Variants in BATF3 observed in about 807,000 individuals in gnomAD.
The protein encoded by BATF3 is basic leucine zipper transcriptional factor ATF-like 3.
A neutral mutation model predicts 16.1 loss-of-function variants in BATF3; 8 were observed. The observed-to-expected ratio is 0.50, with a 90% CI of 0.29 to 0.90. The LOEUF (loss-of-function observed/expected upper bound fraction) is 0.90. Among genes scored for constraint, BATF3 ranks in the 40% least tolerant of loss-of-function variants. BATF3 has a pLI of 0.08. For synonymous variants in BATF3, 74 were observed against 72.7 expected (o/e 1.02, Z -0.09); for missense variants, 139 against 167.0 (o/e 0.83, Z 0.92).
At chr1:212,693,267 G>T (rs1657043144) in intron 2 of BATF3, among the ~76,000 whole-genome samples, 1 of 152,208 alleles carries the variant, frequency 6.6e-6, no homozygotes, top group South Asian at 2.1e-4. Flanking sequence ...CAGAGATGAT[G>T]TTCCTTTGGT....
Position 212,689,073 on chromosome 1 carries a change from G to A in BATF3, c.196-2094C>T, listed in dbSNP as rs1462436758. Among the ~76,000 whole-genome samples, 1 of 152,084 alleles carries A rather than the reference G, an allele frequency of 6.6e-6. No individual in the cohort carries two copies. Among genetic ancestry groups the A allele is most frequent in the Non-Finnish European group, 1.5e-5 (1 of 68,024 alleles). ...GGCTTCCCTGACCACAGCACCTACAGGAACCACATCTTTTATTATGTGTTC... is the reference window on the plus strand; with the variant it reads ...GGCTTCCCTGACCACAGCACCTACAAGAACCACATCTTTTATTATGTGTTC... On this transcript the variant is annotated intron_variant, in intron 2 of 2. Coordinates refer to ENST00000243440, the MANE Select transcript of BATF3 (RefSeq NM_018664.3). The surrounding 1 kb of genome is among the most constrained non-coding windows in gnomAD (Gnocchi z 4.6).
chr1:212,693,911 C>T (rs1398107410), intron 2 of BATF3, among the ~76,000 whole-genome samples: 4 of 152,164 alleles, frequency 2.6e-5, no homozygotes. Flanking sequence ...TCTCTTGAAC[C>T]TGCGACTATG....
chr1:212,688,520 A>G (rs889840804), intron 2 of BATF3, among the ~76,000 whole-genome samples: 3 of 152,252 alleles, frequency 2.0e-5, no homozygotes, highest in Non-Finnish European at 4.4e-5. Context: ...TTTTACATCC[A>G]TCTCCACTGA....
In BATF3 at chr1:212,697,016, A is replaced by G. The variant is rs758136934; in HGVS notation, c.140T>C (p.Val47Ala). ...RKVRRREKNR[V>A]AAQRSRKKQT... Reference sequence around the variant, plus strand: ...CTTCTTCCGACTTCTCTGAGCAGCAACTCGGTTTTTTTCTCTCCTTCGGAC... The same window carrying G: ...CTTCTTCCGACTTCTCTGAGCAGCAGCTCGGTTTTTTTCTCTCCTTCGGAC... Residue 47 changes from valine (V) to alanine (A), a missense_variant, in exon 2 of 3, where the codon GTT (valine) becomes GCT (alanine). Coordinates refer to ENST00000243440, the MANE Select transcript of BATF3 (RefSeq NM_018664.3). The G allele has an allele frequency of 2.4e-5, 38 of 1,613,720 alleles. No homozygotes were observed. The highest frequency in any genetic ancestry group is 3.1e-5 in the Non-Finnish European group (37 of 1,179,976).
Position 212,697,021 on chromosome 1 carries a change from G to C in BATF3, c.135C>G (p.Asn45Lys). Residue 45 changes from asparagine to lysine, a missense_variant, in exon 2 of 3, where the codon AAC becomes AAG. By Grantham distance (94) the Asn-to-Lys change is moderately conservative (BLOSUM62 0). Transcript: ENST00000243440. The part of the protein sequence containing the change: ...DDRKVRRREK[N>K]RVAAQRSRKK... ...TCCGACTTCTCTGAGCAGCAACTCG[G>C]TTTTTTTCTCTCCTTCGGACCTTCC... The C allele has an allele frequency of 6.2e-7, 1 of 1,614,134 alleles. No homozygotes were observed. The highest frequency in any genetic ancestry group is 8.5e-7 in the Non-Finnish European group (1 of 1,180,026).
chr1:212,699,629 G>A lies in BATF3; in HGVS notation c.90+44C>T. 2 of 1,252,046 alleles carry A rather than the reference G, an allele frequency of 1.6e-6. No homozygotes were observed. Among genetic ancestry groups the A allele is most frequent in the Non-Finnish European group, 2.0e-6 (2 of 994,686 alleles). 77.6% of individuals were successfully genotyped at this position (1,252,046 alleles called of 1,614,324 possible). ...ACCTCCTCGCCCCCCGCGGCGCGCC[G>A]GTCCCCGCACCCCACGGCCCTCCCT... is the stretch of plus-strand genomic sequence containing the variant. On this transcript the variant is annotated intron_variant, in intron 1 of 2. Transcript: ENST00000243440. This position sits in a 1 kb window ranked among gnomAD's most constrained non-coding sequence, Gnocchi z 4.4.
chr1:212,695,490 CAAAAAAAAAAAA>C (rs373281690), intron 2 of BATF3, among the ~76,000 whole-genome samples: 11 of 42,218 alleles, frequency 2.6e-4, no homozygotes, highest in East Asian at 8.7e-4. Flanking sequence ...GACTCTGTCT[CAAAAAAAAAAAA>C]AAAAAAAAAA....
rs3754477 is a variant in BATF3, at chr1:212,691,632, A to G, written c.196-4653T>C. On this transcript the variant is annotated intron_variant, in intron 2 of 2. Transcript: ENST00000243440. ...CCATGAAGCTCTCAGAACATGCAAT[A>G]TCTGAAAAAACCATGGCAACACATA... is the stretch of plus-strand genomic sequence containing the variant. Among the ~76,000 whole-genome samples the G allele has an allele frequency of 8.9e-4, 135 of 152,376 alleles. 1 individual carries two copies. The East Asian group carries it at 0.016, about 18-fold the overall frequency.
chr1:212,695,897 T>C (rs930555166), intron 2 of BATF3, among the ~76,000 whole-genome samples: 4 of 152,172 alleles, frequency 2.6e-5, no homozygotes, highest in African/African-American at 9.7e-5. Flanking sequence ...ATGAGAAAGA[T>C]GGTTCGCTCC....
chr1:212,687,802 C>T (rs1341893094), intron 2 of BATF3, among the ~76,000 whole-genome samples: 3 of 150,266 alleles, frequency 2.0e-5, no homozygotes, highest in Admixed American at 2.0e-4. Flanking sequence ...TGATGCACAC[C>T]TATAGTCTCA....
At chr1:212,687,372 A>G (rs971921222) in intron 2 of BATF3, 1 of 198,052 alleles carries the variant, frequency 5.0e-6, no homozygotes, top group Admixed American at 5.2e-5. Flanking sequence ...TATCCCCAGC[A>G]CCTAGAACAG....
chr1:212,686,689 C>T lies in BATF3; in HGVS notation c.*102G>A. 6.9e-7 allele frequency: 1 copy of T among 1,452,708 alleles called. No homozygotes were observed. Among genetic ancestry groups the T allele is most frequent in the Non-Finnish European group, 9.1e-7 (1 of 1,101,892 alleles). 90.0% of individuals were successfully genotyped at this position (1,452,708 alleles called of 1,614,324 possible). A position where few individuals can be genotyped will look rare whatever the true frequency, so the allele number is the denominator to read the frequency against. On this transcript the variant is annotated 3_prime_UTR_variant, in exon 3 of 3. Transcript: ENST00000243440. ...GGTCCTGGAGCTCCCAGGAGGAGGC[C>T]TGGCCACAGGTGCCCCCTGTATACA... is the stretch of plus-strand genomic sequence containing the variant.
rs1656953115 is a variant in BATF3 at position 212,689,777 on chromosome 1, GCAAA to G, written c.196-2802_196-2799del. ...CATATACACACACTCACACACGTCC[GCAAA>G]CACACTCACACACTCTCATACACAG... is the stretch of plus-strand genomic sequence containing the variant. On this transcript the variant is annotated intron_variant, in intron 2 of 2. Coordinates refer to ENST00000243440, the MANE Select transcript of BATF3 (RefSeq NM_018664.3). The surrounding 1 kb of genome is among the most constrained non-coding windows in gnomAD (Gnocchi z 4.6). 6.7e-6 allele frequency among the ~76,000 whole-genome samples: 1 copy of G among 149,236 alleles called. No individual in the cohort carries two copies. The highest frequency in any genetic ancestry group is 6.7e-5 in the Admixed American group (1 of 14,976).
At chr1:212,695,570 G>A (rs2102403260) in intron 2 of BATF3, among the ~76,000 whole-genome samples, 1 of 151,700 alleles carries the variant, frequency 6.6e-6, no homozygotes, top group African/African-American at 2.4e-5. Context: ...TTGAGCCTGG[G>A]AGGTGGAGGC....
In BATF3 at chr1:212,697,055, T is replaced by A. The variant is rs943039769; in HGVS notation, c.101A>T (p.Asp34Val). The A allele has an allele frequency of 6.2e-7, 1 of 1,614,058 alleles. No homozygotes were observed. Among genetic ancestry groups the A allele is most frequent in the African/African-American group, 1.3e-5 (1 of 75,034 alleles). Reference sequence around the variant, plus strand: ...TCTCCTTCGGACCTTCCTGTCATCATCCTCAGGGCTCTGGGGAAAAACACT... The same window carrying A: ...TCTCCTTCGGACCTTCCTGTCATCAACCTCAGGGCTCTGGGGAAAAACACT... The part of the protein sequence containing the change: ...QPQPQQQSPE[D>V]DDRKVRRREK... Residue 34 changes from aspartate to valine, a missense_variant, in exon 2 of 3, where the codon GAT becomes GTT. Transcript: ENST00000243440.
chr1:212,688,112 C>T (rs942800164), intron 2 of BATF3, among the ~76,000 whole-genome samples: 4 of 151,972 alleles, frequency 2.6e-5, no homozygotes, highest in Non-Finnish European at 5.9e-5. Flanking sequence ...CAAACACTCT[C>T]ACTTTCAAAT....
At chr1:212,694,140 A>G (rs771264680) in intron 2 of BATF3, among the ~76,000 whole-genome samples, 11 of 152,204 alleles carry the variant, frequency 7.2e-5, no homozygotes, top group Non-Finnish European at 1.3e-4. Flanking sequence ...AGGAGACTAC[A>G]AGCCCAGGAA....
At chr1:212,692,363 T>TA (rs140472693) in intron 2 of BATF3, among the ~76,000 whole-genome samples, 5 of 116,608 alleles carry the variant, frequency 4.3e-5, no homozygotes, top group Non-Finnish European at 1.0e-4. Context: ...GTGTTCCATA[T>TA]TTTTTTAAAA....
Position 212,689,970 on chromosome 1 carries a change from TCA to T in BATF3, c.196-2993_196-2992del, listed in dbSNP as rs1656963398. ...CACAGTCACACAAACACTCTCACAG[TCA>T]CACACATACAGTCATACACACATAC... is the stretch of plus-strand genomic sequence containing the variant. On this transcript the variant is annotated intron_variant, in intron 2 of 2. Transcript: ENST00000243440. This position sits in a 1 kb window ranked among gnomAD's most constrained non-coding sequence, Gnocchi z 4.6. Among the ~76,000 whole-genome samples the T allele has an allele frequency of 2.6e-5, 4 of 151,130 alleles. No individual in the cohort carries two copies. The South Asian group carries it at 8.4e-4, about 32-fold the overall frequency.
Sources: allele counts gnomAD v4.1 joint callset (sites outside exome capture counted in the v4.1 genomes callset), GRCh38; gene constraint gnomAD v4.1.1; non-coding constraint Gnocchi (gnomAD v3.1); transcripts MANE v1.5; gene names NCBI Gene and HGNC (gene_info 2026-07-23, HGNC 2026-07-21).